The following PPP1R12C variants were observed in gnomAD, a reference collection of about 807,000 sequenced individuals.
The protein encoded by PPP1R12C is protein phosphatase 1 regulatory subunit 12C.
Under a neutral mutation model 95.6 loss-of-function variants are expected in PPP1R12C, and 48 were observed. The observed-to-expected ratio is 0.50, with a 90% CI of 0.40 to 0.64. The LOEUF (loss-of-function observed/expected upper bound fraction) is 0.64. PPP1R12C is among the 30% of genes least tolerant of loss of function. The pLI is 0.00. For missense variants in PPP1R12C, 1,057 were observed against 1,083.3 expected, an observed-to-expected ratio of 0.98 and a Z score of 0.34; for synonymous variants, 480 against 460.8, an observed-to-expected ratio of 1.04 and a Z score of -0.53.
rs753727170 is a variant in PPP1R12C at position 55,096,202 on chromosome 19, G to T, written c.1026-24C>A. Reference sequence around the variant, plus strand: ...TCCTGTTGGGGAAGGAGAGGGTGCTGGGGTACAAGCCCGGGGCCTCCAGCC... The same window carrying T: ...TCCTGTTGGGGAAGGAGAGGGTGCTTGGGTACAAGCCCGGGGCCTCCAGCC... On this transcript the variant is annotated intron_variant, in intron 7 of 21. Transcript: ENST00000263433. 3.1e-6 allele frequency: 5 copies of T among 1,611,760 alleles called. No individual in the cohort carries two copies. In the South Asian group the frequency reaches 5.5e-5, roughly 18 times the overall value.
intron 3 of PPP1R12C, among the ~76,000 whole-genome samples, chr19:55,110,142 G>C (rs1421627506): frequency 1.3e-5 from 2 of 152,110 alleles, no homozygotes; most frequent in African/African-American, 4.8e-5. Context: ...GGCCTCCCTG[G>C]GGTCCAAGGG....
chr19:55,095,427 G>T lies in PPP1R12C; in HGVS notation c.1386+18C>A. On this transcript the variant is annotated intron_variant, in intron 10 of 21. Coordinates refer to ENST00000263433, the MANE Select transcript of PPP1R12C (RefSeq NM_017607.4). Reference sequence around the variant, plus strand: ...TGGGCAGGGGCCTGGGCCTGGACCCGGCCCAACCCTCACTCACCTGAGTGG... The same window carrying T: ...TGGGCAGGGGCCTGGGCCTGGACCCTGCCCAACCCTCACTCACCTGAGTGG... 1 of 1,560,774 alleles carries T rather than the reference G, an allele frequency of 6.4e-7. No individual in the cohort carries two copies.
At chr19:55,093,314 C>A in intron 13 of PPP1R12C, 81 bp from the exon 14 acceptor site, 1 of 589,828 alleles carries the variant, frequency 1.7e-6, no homozygotes, top group South Asian at 3.9e-5. Context: ...GCCCAGGCCC[C>A]AGCCCCTCCT....
intron 1 of PPP1R12C, chr19:55,113,909 G>A: frequency 6.1e-6 from 1 of 164,546 alleles, no homozygotes; most frequent in Non-Finnish European, 1.3e-5. Context: ...TGAGGCCTGG[G>A]CACCAGGGAC....
rs540041359 is a variant in PPP1R12C at position 55,099,513 on chromosome 19, G to A, written c.732-418C>T. Among the ~76,000 whole-genome samples, 71 of 152,334 alleles carry A rather than the reference G, an allele frequency of 4.7e-4. 1 individual carries two copies. The highest frequency in any genetic ancestry group is 7.3e-4 in the Non-Finnish European group (50 of 68,034). Reference sequence around the variant, plus strand: ...TCAGGGCAGTAGTGCTCTAGGACCCGGGCTGGCTTAAAGCAGTGACTCCCA... The same window carrying A: ...TCAGGGCAGTAGTGCTCTAGGACCCAGGCTGGCTTAAAGCAGTGACTCCCA... On this transcript the variant is annotated intron_variant, in intron 4 of 21. Transcript: ENST00000263433.
chr19:55,091,279 C>T lies in PPP1R12C; in HGVS notation c.*193G>A, dbSNP rs2084835853. ...CGTCCCCCTGCTTGGCTCGGCCTCC[C>T]ACCTCCATCCTGGCCTCGGGTGGCC... is the stretch of plus-strand genomic sequence containing the variant. On this transcript the variant is annotated 3_prime_UTR_variant, in exon 22 of 22. Coordinates refer to ENST00000263433, the MANE Select transcript of PPP1R12C (RefSeq NM_017607.4). 1 of 623,270 alleles carries T rather than the reference C, an allele frequency of 1.6e-6. No homozygotes were observed. Among genetic ancestry groups the T allele is most frequent in the African/African-American group, 1.8e-5 (1 of 54,374 alleles). 38.6% of individuals were successfully genotyped at this position (623,270 alleles called of 1,614,324 possible).
intron 6 of PPP1R12C, among the ~76,000 whole-genome samples, chr19:55,097,650 G>A (rs535339629): frequency 1.5e-4 from 21 of 137,418 alleles, no homozygotes; most frequent in African/African-American, 2.7e-4. Flanking sequence ...CCCCTTCCCC[G>A]CAGTTCACCA....
Position 55,112,555 on chromosome 19 carries a change from G to T in PPP1R12C, c.483C>A (p.Ala161=). 1 of 1,613,230 alleles carries T rather than the reference G, an allele frequency of 6.2e-7. No individual in the cohort carries two copies. The highest frequency in any genetic ancestry group is 2.2e-5 in the East Asian group (1 of 44,850). The stretch of plus-strand genomic sequence containing the variant: ...GCAGGTCCCCGTCACTGTTGACGGC[G>T]GCGATGTTGGCCCCGTGGCTCAGGA... ...RYLLSHGANI[A]AVNSDGDLPL... is the part of the protein sequence containing the mutation. Residue 161 remains alanine (A), a synonymous_variant, in exon 3 of 22, where the codon GCC becomes GCA. Transcript: ENST00000263433.
Position 55,095,722 on chromosome 19 carries a change from G to A in PPP1R12C, c.1228-119C>T, listed in dbSNP as rs371121001. 1.7e-5 allele frequency: 25 copies of A among 1,514,434 alleles called. No individual in the cohort carries two copies. In the African/African-American group the frequency reaches 1.8e-4, roughly 11 times the overall value. 93.8% of individuals were successfully genotyped at this position (1,514,434 alleles called of 1,614,324 possible). A position where few individuals can be genotyped will look rare whatever the true frequency, so the allele number is the denominator to read the frequency against. ...CCCATCAGCCCCCGGGGCAGGCACA[G>A]CCTAAAAAGGAAGCCGGTTGTCCAG... On this transcript the variant is annotated intron_variant, in intron 9 of 21. Transcript: ENST00000263433.
chr19:55,104,199 T>TATATATATATATATATATAC (rs34075382), intron 3 of PPP1R12C, among the ~76,000 whole-genome samples: 42 of 120,034 alleles, frequency 3.5e-4, no homozygotes, highest in African/African-American at 1.4e-3. Context: ...TATATATATA[T>TATATATATATATATATATAC]ACACACACAC....
rs998085045 is a variant in PPP1R12C, at chr19:55,109,919, C to T, written c.571+2548G>A. ...CCGCAGAGTCCCACCCCGAGCAGCA[C>T]GGCTGAGGGTCTTTCCAGTGGCCCC... On this transcript the variant is annotated intron_variant, in intron 3 of 21. Transcript: ENST00000263433. This position sits in a 1 kb window ranked among gnomAD's most constrained non-coding sequence, Gnocchi z 4.4. 2.6e-5 allele frequency among the ~76,000 whole-genome samples: 4 copies of T among 152,158 alleles called. No individual in the cohort carries two copies. Among genetic ancestry groups the T allele is most frequent in the East Asian group, 1.9e-4 (1 of 5,174 alleles).
At chr19:55,095,819 C>T (rs753610321) in intron 9 of PPP1R12C, 48 bp downstream of exon 9, 1 of 1,592,828 alleles carries the variant, frequency 6.3e-7, no homozygotes, top group South Asian at 1.1e-5. Context: ...TGGAATCCCA[C>T]CTCCGGGCCC....
intron 20 of PPP1R12C, 69 bp downstream of exon 20, chr19:55,091,790 C>T (rs2147174684): frequency 6.2e-7 from 1 of 1,612,056 alleles, no homozygotes; most frequent in African/African-American, 1.3e-5. Flanking sequence ...AATGTGGCTC[C>T]CTTGGTCCAA....
At position 55,095,570 on chromosome 19, in the gene PPP1R12C, C is replaced by A; in HGVS notation, c.1261G>T (p.Gly421Cys). 1 of 1,581,968 alleles carries A rather than the reference C, an allele frequency of 6.3e-7. No homozygotes were observed. The highest frequency in any genetic ancestry group is 8.6e-7 in the Non-Finnish European group (1 of 1,167,210). The change falls in exon 10 of 22, where the codon GGC becomes TGC. Residue 421 changes from glycine to cysteine, a missense_variant. Around this residue, in one of 5 missense-constraint regions of PPP1R12C, gnomAD observed 356 missense variants for 330.5 expected, o/e 1.08. Coordinates refer to ENST00000263433, the MANE Select transcript of PPP1R12C (RefSeq NM_017607.4). Reference sequence around the variant, plus strand: ...CCAGAACTCCCTGTCTTCAGGAGGCCAAAGCGCCTGGAGAAGGGGGCCTCT... The same window carrying A: ...CCAGAACTCCCTGTCTTCAGGAGGCAAAAGCGCCTGGAGAAGGGGGCCTCT... ...LEEAPFSRRFGLLKTGSSGAL... is the reference protein window; with the variant it reads ...LEEAPFSRRFCLLKTGSSGAL...
intron 9 of PPP1R12C, 77 bp downstream of exon 9, chr19:55,095,790 C>T (rs1390889459): frequency 6.4e-7 from 1 of 1,559,198 alleles, no homozygotes; most frequent in East Asian, 2.2e-5. Flanking sequence ...CTGCCCCTGC[C>T]AGAGGTTCAC....
In PPP1R12C at chr19:55,092,289, C is replaced by A. The variant is rs1003533607; in HGVS notation, c.2093G>T (p.Arg698Leu). The A allele has an allele frequency of 6.2e-7, 1 of 1,600,132 alleles. No homozygotes were observed. Among genetic ancestry groups the A allele is most frequent in the East Asian group, 2.3e-5 (1 of 44,330 alleles). The part of the protein sequence containing the change: ...AELRRENERL[R>L]EALTETTLRL... The stretch of plus-strand genomic sequence containing the variant: ...CAGCGTGGTCTCGGTCAGGGCCTCG[C>A]GAAGCCGCTCGTTCTCCCTGCGCAG... The change falls in exon 19 of 22, where the codon CGC becomes CTC. Residue 698 changes from arginine (R) to leucine (L), a missense_variant. Physicochemically the swap from Arg to Leu is moderately radical, Grantham distance 102 (BLOSUM62 -2). Coordinates refer to ENST00000263433, the MANE Select transcript of PPP1R12C (RefSeq NM_017607.4).
intron 1 of PPP1R12C, chr19:55,114,843 C>A (rs1603011270): frequency 6.6e-6 from 1 of 151,502 alleles, no homozygotes; most frequent in East Asian, 1.9e-4. Flanking sequence ...GGGTCCAGGC[C>A]AAGTAGGTGG....
At chr19:55,110,294 T>A (rs1258941511) in intron 3 of PPP1R12C, among the ~76,000 whole-genome samples, 1 of 151,312 alleles carries the variant, frequency 6.6e-6, no homozygotes, top group African/African-American at 2.4e-5. Flanking sequence ...GTTGGTGCAG[T>A]GGGTGAGAGT....
chr19:55,117,385 G>A lies in PPP1R12C; in HGVS notation c.159C>T (p.Ala53=). 1 of 1,080,284 alleles carries A rather than the reference G, an allele frequency of 9.3e-7. No homozygotes were observed. The highest frequency in any genetic ancestry group is 1.1e-6 in the Non-Finnish European group (1 of 893,110). The allele number at this position is 1,080,284 out of a possible 1,614,324, so 66.9% of individuals were successfully genotyped here. ...RARTVRFERA[A]EFLAACAGGD... ...CGCCCGCACAGGCCGCCAGGAACTC[G>A]GCGGCGCGCTCGAAGCGGACGGTGC... The change falls in exon 1 of 22, where the codon GCC becomes GCT. Residue 53 remains alanine, a synonymous_variant. Transcript: ENST00000263433.
Sources: gnomAD v4.1 joint callset for allele counts (sites outside exome capture counted in the v4.1 genomes callset) on GRCh38, gnomAD v4.1.1 for gene constraint, gnomAD v4.1.1 regional missense constraint, Gnocchi (gnomAD v3.1) non-coding constraint, MANE v1.5 for transcripts, NCBI Gene and HGNC (gene_info 2026-07-23, HGNC 2026-07-21) for gene names.